The following ABTB3 variants were observed in gnomAD, a reference collection of about 807,000 sequenced individuals.
ABTB3 encodes ankyrin repeat- and BTB/POZ domain-containing protein 3.
chr12:107,385,026 T>TA, the ABTB3 span, among the ~76,000 whole-genome samples: 1 of 152,252 alleles, frequency 6.6e-6, no homozygotes, highest in Non-Finnish European at 1.5e-5. Flanking sequence ...GTCCTCATAC[T>TA]AGGGCTTAGT....
the ABTB3 span, among the ~76,000 whole-genome samples, chr12:107,449,076 A>ACTTGTTAAT: frequency 6.6e-6 from 1 of 152,208 alleles, no homozygotes; most frequent in Admixed American, 6.5e-5. Flanking sequence ...TTATGTGGCC[A>ACTTGTTAAT]CTTGTTAATC....
At chr12:107,456,451 C>T in the ABTB3 span, among the ~76,000 whole-genome samples, 5 of 152,202 alleles carry the variant, frequency 3.3e-5, no homozygotes, top group South Asian at 1.0e-3. Context: ...TGTGACAGAC[C>T]TAAGTCGTGC....
the ABTB3 span, among the ~76,000 whole-genome samples, chr12:107,542,212 T>G: frequency 6.6e-6 from 1 of 150,516 alleles, no homozygotes; most frequent in Admixed American, 6.7e-5. Context: ...CTCAGGAGGC[T>G]GAGGCAGGAG....
chr12:107,364,623 C>T, the ABTB3 span, among the ~76,000 whole-genome samples: 1 of 152,072 alleles, frequency 6.6e-6, no homozygotes, highest in Non-Finnish European at 1.5e-5. Flanking sequence ...GGCAGCGACA[C>T]AAATCACAAA....
the ABTB3 span, among the ~76,000 whole-genome samples, chr12:107,465,595 G>C: frequency 6.6e-6 from 1 of 152,156 alleles, no homozygotes; most frequent in East Asian, 1.9e-4. Context: ...GGCAGGGGGT[G>C]CTGGGGGCAG....
chr12:107,415,720 CAAAACAAA>C, the ABTB3 span, among the ~76,000 whole-genome samples: 48 of 150,036 alleles, frequency 3.2e-4, no homozygotes, highest in African/African-American at 4.9e-4. Flanking sequence ...CCAAAAAAAA[CAAAACAAA>C]AAAACAAAAA....
the ABTB3 span, among the ~76,000 whole-genome samples, chr12:107,361,817 GTAT>G: frequency 2.6e-5 from 4 of 152,136 alleles, no homozygotes; most frequent in Non-Finnish European, 4.4e-5. Flanking sequence ...ACCTCAACTT[GTAT>G]GTTGAATTTT....
chr12:107,594,271 C>T, the ABTB3 span, among the ~76,000 whole-genome samples: 1 of 152,154 alleles, frequency 6.6e-6, no homozygotes, highest in Non-Finnish European at 1.5e-5. Flanking sequence ...TGCGCCCTTG[C>T]TTTTGAAATA....
the ABTB3 span, among the ~76,000 whole-genome samples, chr12:107,496,721 C>A: frequency 3.3e-3 from 506 of 152,262 alleles, 2 homozygotes; most frequent in African/African-American, 0.011. Flanking sequence ...CAATCCTCAC[C>A]CCAACCCATG....
the ABTB3 span, chr12:107,651,719 C>T: frequency 3.7e-6 from 6 of 1,614,194 alleles, no homozygotes; most frequent in Non-Finnish European, 5.1e-6. Context: ...TTTGCAGCGA[C>T]ACTGTGAGAT....
At chr12:107,380,700 T>C in the ABTB3 span, among the ~76,000 whole-genome samples, 7 of 152,200 alleles carry the variant, frequency 4.6e-5, no homozygotes, top group Non-Finnish European at 1.0e-4. Flanking sequence ...TCTGCATTTT[T>C]CTTTTTAACC....
At chr12:107,351,896 A>C in the ABTB3 span, among the ~76,000 whole-genome samples, 1 of 152,200 alleles carries the variant, frequency 6.6e-6, no homozygotes, top group Non-Finnish European at 1.5e-5. Context: ...CATTTTCCTC[A>C]GTAAAATGAT....
At chr12:107,318,920 G>A in the ABTB3 span, 1 of 1,569,712 alleles carries the variant, frequency 6.4e-7, no homozygotes, top group East Asian at 2.3e-5. Context: ...CCAGGCGGCT[G>A]CAGCATGAAG....
chr12:107,606,014 C>T, the ABTB3 span, among the ~76,000 whole-genome samples: 1 of 152,080 alleles, frequency 6.6e-6, no homozygotes, highest in Non-Finnish European at 1.5e-5. Context: ...CATTTGGGAC[C>T]TGCTAAATTT....
chr12:107,475,945 A>G, the ABTB3 span, among the ~76,000 whole-genome samples: 1 of 152,066 alleles, frequency 6.6e-6, no homozygotes, highest in Non-Finnish European at 1.5e-5. Context: ...ACATCTCCTG[A>G]GGCTTCTGGA....
At chr12:107,575,830 C>T in the ABTB3 span, among the ~76,000 whole-genome samples, 3 of 152,176 alleles carry the variant, frequency 2.0e-5, no homozygotes, top group Non-Finnish European at 4.4e-5. Context: ...GCAGCTTTCA[C>T]AGGTTCTAGG....
At chr12:107,635,500 G>A in the ABTB3 span, 5 of 919,152 alleles carry the variant, frequency 5.4e-6, no homozygotes, top group South Asian at 7.8e-5. Flanking sequence ...GGGCAAACAA[G>A]GTCAGTACAG....
At chr12:107,383,314 C>T in the ABTB3 span, among the ~76,000 whole-genome samples, 1 of 152,180 alleles carries the variant, frequency 6.6e-6, no homozygotes, top group Admixed American at 6.5e-5. Context: ...TTAGCATTTG[C>T]CTCTGTTGTC....
the ABTB3 span, among the ~76,000 whole-genome samples, chr12:107,336,644 A>G: frequency 2.0e-5 from 3 of 152,208 alleles, no homozygotes; most frequent in African/African-American, 4.8e-5. Flanking sequence ...AACACTCATC[A>G]GATTATACTG....
Sources: allele counts gnomAD v4.1 joint callset (sites outside exome capture counted in the v4.1 genomes callset), GRCh38; gene constraint gnomAD v4.1.1; transcripts MANE v1.5; gene names NCBI Gene and HGNC (gene_info 2026-07-23, HGNC 2026-07-21).